PTPRN2: variants seen among roughly 807,000 people sequenced by gnomAD.
PTPRN2 encodes the protein receptor-type tyrosine-protein phosphatase N2.
In PTPRN2, 74 loss-of-function variants were observed where a neutral mutation model predicts 118.8. That is an observed-to-expected ratio of 0.62 (90% CI 0.52 to 0.76). PTPRN2 has a LOEUF of 0.76. PTPRN2 is among the 30% of genes least tolerant of loss of function. PTPRN2 has a pLI of 0.00. For missense variants in PTPRN2, 1,481 were observed against 1,394.4 expected (o/e 1.06, Z -0.99); for synonymous variants, 641 against 608.0 (o/e 1.05, Z -0.80).
chr7:158,523,950 G>A (rs1349335655), intron 1 of PTPRN2, among the ~76,000 whole-genome samples: 4 of 48,366 alleles, frequency 8.3e-5, no homozygotes, highest in African/African-American at 2.3e-4. Flanking sequence ...GTGTGGAGTC[G>A]TCTGCCCTGG....
chr7:158,049,350 C>A (rs1208334154), intron 11 of PTPRN2, among the ~76,000 whole-genome samples: 3 of 152,202 alleles, frequency 2.0e-5, no homozygotes, highest in South Asian at 4.1e-4. Context: ...ACATGTTCAG[C>A]CCTCTCTGCT....
At chr7:158,240,834 A>C (rs1795865637) in intron 3 of PTPRN2, among the ~76,000 whole-genome samples, 1 of 152,254 alleles carries the variant, frequency 6.6e-6, no homozygotes, top group Admixed American at 6.5e-5. Context: ...GCAAAGAAGA[A>C]AAACATCATT....
chr7:157,871,797 A>G (rs1811065587), intron 12 of PTPRN2, among the ~76,000 whole-genome samples: 1 of 151,592 alleles, frequency 6.6e-6, no homozygotes, highest in Admixed American at 6.6e-5. Flanking sequence ...AAATACCTAC[A>G]CACCCACACA....
At chr7:158,508,234 TGG>T (rs1164725886) in intron 1 of PTPRN2, among the ~76,000 whole-genome samples, 1 of 152,192 alleles carries the variant, frequency 6.6e-6, no homozygotes, top group Non-Finnish European at 1.5e-5. Context: ...AGCCCCACGC[TGG>T]GCAGGGGGCA....
At chr7:157,725,657 T>C (rs71538052) in intron 12 of PTPRN2, among the ~76,000 whole-genome samples, 591 of 85,314 alleles carry the variant, frequency 6.9e-3, no homozygotes, top group African/African-American at 0.021. Flanking sequence ...ACTGGATATC[T>C]ACACACAGAG....
intron 12 of PTPRN2, among the ~76,000 whole-genome samples, chr7:157,776,032 G>T (rs189721269): frequency 6.6e-6 from 1 of 151,400 alleles, no homozygotes; most frequent in South Asian, 2.1e-4. Flanking sequence ...GGAGTGAGGC[G>T]GAGGGGGCGT....
chr7:158,556,754 C>T (rs571765319), intron 1 of PTPRN2, among the ~76,000 whole-genome samples: 1 of 144,426 alleles, frequency 6.9e-6, no homozygotes, highest in East Asian at 2.2e-4. Flanking sequence ...TCAGGCGGCT[C>T]CCGAGCAGGT....
At chr7:158,252,996 G>T (rs906386743) in intron 3 of PTPRN2, among the ~76,000 whole-genome samples, 4 of 152,184 alleles carry the variant, frequency 2.6e-5, no homozygotes, top group Non-Finnish European at 5.9e-5. Context: ...CATGCCCACG[G>T]CACTCAGAAC....
rs558265473 is a variant in PTPRN2 at position 157,826,963 on chromosome 7, C to A, written c.1788+71710G>T. Among the ~76,000 whole-genome samples the A allele has an allele frequency of 7.2e-5, 11 of 152,244 alleles. 1 individual carries two copies. In the South Asian group the frequency reaches 2.3e-3, roughly 32 times the overall value. ...TACTGACCCGGCTCCTGCACAGGACCCTCCAAATGTCTTCAAGTTGTCCTG... is the reference window on the plus strand; with the variant it reads ...TACTGACCCGGCTCCTGCACAGGACACTCCAAATGTCTTCAAGTTGTCCTG... On this transcript the variant is annotated intron_variant, in intron 12 of 22. Coordinates refer to ENST00000389418, the MANE Select transcript of PTPRN2 (RefSeq NM_002847.5).
rs926758234 is a variant in PTPRN2 at position 157,929,712 on chromosome 7, C to T, written c.1724-30975G>A. 5.4e-5 allele frequency among the ~76,000 whole-genome samples: 6 copies of T among 111,450 alleles called. No homozygotes were observed. Among genetic ancestry groups the T allele is most frequent in the Non-Finnish European group, 8.8e-5 (5 of 56,886 alleles). 73.1% of individuals were successfully genotyped at this position (111,450 alleles called of 152,430 possible). A position where few individuals can be genotyped will look rare whatever the true frequency, so the allele number is the denominator to read the frequency against. ...GACTTCCCTGTCCCTCGGGTGGGGG[C>T]GGCATCCTCACAGGGGTGAGGAGCT... On this transcript the variant is annotated intron_variant, in intron 11 of 22. Transcript: ENST00000389418. This position sits in a 1 kb window ranked among gnomAD's most constrained non-coding sequence, Gnocchi z 4.4.
intron 11 of PTPRN2, among the ~76,000 whole-genome samples, chr7:158,062,579 C>T (rs2128908246): frequency 6.6e-6 from 1 of 151,220 alleles, no homozygotes; most frequent in South Asian, 2.1e-4. Context: ...GAGGGAGAGG[C>T]ACAGGCAGGA....
At chr7:158,571,461 G>C (rs569988556) in intron 1 of PTPRN2, among the ~76,000 whole-genome samples, 6 of 142,062 alleles carry the variant, frequency 4.2e-5, no homozygotes, top group Admixed American at 7.2e-5. Flanking sequence ...CTGGGTAATA[G>C]AGTGAGACTC....
At position 157,748,208 on chromosome 7, in the gene PTPRN2, C is replaced by T. The variant is rs1337240559; in HGVS notation, c.1789-65271G>A. ...GAGGCCTGCGTCCCTGAGCTGTGAG[C>T]TGTTGAGGTAATTCTGAGGCCTGCG... On this transcript the variant is annotated intron_variant, in intron 12 of 22. Transcript: ENST00000389418. Among the ~76,000 whole-genome samples the T allele has an allele frequency of 2.3e-5, 3 of 129,516 alleles. 1 individual carries two copies. Among genetic ancestry groups the T allele is most frequent in the African/African-American group, 9.0e-5 (3 of 33,370 alleles). The allele number at this position is 129,516 out of a possible 152,430, so 85.0% of individuals were successfully genotyped here. A position where few individuals can be genotyped will look rare whatever the true frequency, so the allele number is the denominator to read the frequency against.
Position 158,525,386 on chromosome 7 carries a change from G to A in PTPRN2, c.113-35601C>T, listed in dbSNP as rs931592947. On this transcript the variant is annotated intron_variant, in intron 1 of 22. Transcript: ENST00000389418. The surrounding 1 kb of genome is among the most constrained non-coding windows in gnomAD (Gnocchi z 4.1). Reference sequence around the variant, plus strand: ...CAGGATGCTAGGCCCCAGGGGCCATGGGCTACGCACGGGCCAGGTTTCCAG... The same window carrying A: ...CAGGATGCTAGGCCCCAGGGGCCATAGGCTACGCACGGGCCAGGTTTCCAG... Among the ~76,000 whole-genome samples the A allele has an allele frequency of 6.6e-6, 1 of 152,216 alleles. No homozygotes were observed. The highest frequency in any genetic ancestry group is 2.4e-5 in the African/African-American group (1 of 41,464).
intron 2 of PTPRN2, among the ~76,000 whole-genome samples, chr7:158,377,890 T>C (rs1456392393): frequency 6.6e-6 from 1 of 152,104 alleles, no homozygotes; most frequent in Non-Finnish European, 1.5e-5. Context: ...GGCCCGTGGC[T>C]ACAACACAGA....
chr7:158,223,147 A>G (rs1450000945), intron 3 of PTPRN2, among the ~76,000 whole-genome samples: 1 of 152,226 alleles, frequency 6.6e-6, no homozygotes, highest in African/African-American at 2.4e-5. Flanking sequence ...TAATTTGAAT[A>G]CTTCTACACT....
chr7:157,744,332 G>A (rs896539236), intron 12 of PTPRN2, among the ~76,000 whole-genome samples: 3 of 152,112 alleles, frequency 2.0e-5, no homozygotes, highest in Non-Finnish European at 4.4e-5. Flanking sequence ...ACTCAAACAA[G>A]TGGAAGAGGC....
intron 8 of PTPRN2, 30 bp downstream of exon 8, chr7:158,136,625 A>G (rs1818843627): frequency 1.2e-6 from 2 of 1,605,584 alleles, no homozygotes; most frequent in Admixed American, 1.7e-5. Flanking sequence ...CACATTTAAC[A>G]TGAAACAAAC....
intron 21 of PTPRN2, among the ~76,000 whole-genome samples, chr7:157,549,470 T>C (rs535188522): frequency 5.3e-5 from 8 of 152,260 alleles, no homozygotes; most frequent in South Asian, 4.2e-4. Flanking sequence ...AACCTTAATA[T>C]TGGCTTTTAA....
Sources: allele counts gnomAD v4.1 joint callset (sites outside exome capture counted in the v4.1 genomes callset), GRCh38; gene constraint gnomAD v4.1.1; non-coding constraint Gnocchi (gnomAD v3.1); transcripts MANE v1.5; gene names NCBI Gene and HGNC (gene_info 2026-07-23, HGNC 2026-07-21).